HSPA12A: variants seen among roughly 807,000 people sequenced by gnomAD.
HSPA12A encodes heat shock 70 kDa protein 12A.
In HSPA12A, 28 loss-of-function variants were observed where a neutral mutation model predicts 69.2. The ratio of observed to expected loss-of-function variants is 0.40; its 90% CI spans 0.30 to 0.55. The LOEUF (loss-of-function observed/expected upper bound fraction) is 0.55. HSPA12A is among the 20% of genes least tolerant of loss of function. HSPA12A has a pLI of 0.38. For missense variants in HSPA12A, 686 were observed against 900.7 expected (o/e 0.76, Z 3.05); for synonymous variants, 345 against 370.5 (o/e 0.93, Z 0.79).
rs782308858 is a variant in HSPA12A at position 116,698,629 on chromosome 10, T to C, written c.546+6A>G. 5.6e-6 allele frequency: 9 copies of C among 1,609,730 alleles called. No homozygotes were observed. In the African/African-American group the frequency reaches 6.7e-5, roughly 12 times the overall value. On this transcript the variant is annotated splice_donor_region_variant and intron_variant, in intron 5 of 11. Transcript: ENST00000369209. ...ACAGCTGGCTGGCCTCAACTATCAG[T>C]CCTACCTTCAGCGCCTGCTCCTTAA...
At chr10:116,774,461 G>T (rs1353302677) in intron 2 of HSPA12A, among the ~76,000 whole-genome samples, 8 of 152,250 alleles carry the variant, frequency 5.3e-5, no homozygotes, top group African/African-American at 1.9e-4. Flanking sequence ...AAATTCTCAG[G>T]CCCCAAGGCA....
intron 2 of HSPA12A, among the ~76,000 whole-genome samples, chr10:116,706,530 C>T (rs1589647008): frequency 6.6e-6 from 1 of 152,164 alleles, no homozygotes; most frequent in Non-Finnish European, 1.5e-5. Context: ...CGCAGTTCTC[C>T]CTGGGTCTTC....
intron 1 of HSPA12A, among the ~76,000 whole-genome samples, chr10:116,847,717 T>C (rs1023550): frequency 0.32 from 48,607 of 152,142 alleles, 7,910 homozygotes; most frequent in East Asian, 0.43. Context: ...AATGTAATGA[T>C]GCTGCAGACA....
intron 2 of HSPA12A, among the ~76,000 whole-genome samples, chr10:116,811,226 G>T (rs1045984926): frequency 6.6e-6 from 1 of 152,142 alleles, no homozygotes; most frequent in Non-Finnish European, 1.5e-5. Flanking sequence ...AGAAACACTG[G>T]TGTGGCTGGA....
intron 5 of HSPA12A, chr10:116,698,368 C>G (rs1038187053): frequency 5.9e-6 from 2 of 340,668 alleles, no homozygotes; most frequent in Non-Finnish European, 1.1e-5. Context: ...ATTTCTCCAC[C>G]CAGGAGTGGA....
chr10:116,765,581 G>A (rs1844058317), intron 2 of HSPA12A, among the ~76,000 whole-genome samples: 1 of 152,126 alleles, frequency 6.6e-6, no homozygotes, highest in African/African-American at 2.4e-5. Flanking sequence ...AGGGCAGAAA[G>A]GAAGATTTTT....
At chr10:116,741,996 C>T (rs1490855844) in intron 1 of HSPA12A, among the ~76,000 whole-genome samples, 2 of 152,182 alleles carry the variant, frequency 1.3e-5, no homozygotes, top group Non-Finnish European at 2.9e-5. Context: ...CGCTGAGTCA[C>T]GAAAATTACC....
At chr10:116,773,606 C>T (rs1412490952) in intron 2 of HSPA12A, among the ~76,000 whole-genome samples, 4 of 152,242 alleles carry the variant, frequency 2.6e-5, no homozygotes, top group African/African-American at 9.6e-5. Flanking sequence ...TCTCCTCCTC[C>T]TTATTCCCTG....
chr10:116,711,732 C>T (rs1244485043), intron 1 of HSPA12A, among the ~76,000 whole-genome samples: 4 of 147,558 alleles, frequency 2.7e-5, no homozygotes, highest in Non-Finnish European at 3.0e-5. Context: ...GGTGCGATCT[C>T]GGCTCACTGC....
intron 7 of HSPA12A, among the ~76,000 whole-genome samples, chr10:116,682,732 G>A (rs1589623720): frequency 1.3e-5 from 2 of 152,026 alleles, no homozygotes; most frequent in African/African-American, 2.4e-5. Context: ...ACGGAGTCTC[G>A]CTCTGTCTCC....
intron 2 of HSPA12A, among the ~76,000 whole-genome samples, chr10:116,749,517 A>G (rs1252245036): frequency 2.0e-5 from 3 of 152,266 alleles, no homozygotes; most frequent in Non-Finnish European, 2.9e-5. Context: ...TCTGAGCTCA[A>G]GAACACGTTT....
chr10:116,714,577 G>A (rs1219417434), intron 1 of HSPA12A, among the ~76,000 whole-genome samples: 1 of 152,154 alleles, frequency 6.6e-6, no homozygotes, highest in Non-Finnish European at 1.5e-5. Context: ...TCACCCTGCA[G>A]TTAAAGCCAT....
intron 1 of HSPA12A, among the ~76,000 whole-genome samples, chr10:116,717,510 G>A (rs1850644085): frequency 6.6e-6 from 1 of 152,132 alleles, no homozygotes; most frequent in Non-Finnish European, 1.5e-5. Context: ...ATTGGTAAGA[G>A]AGATGTTAGA....
intron 2 of HSPA12A, among the ~76,000 whole-genome samples, chr10:116,805,177 G>A (rs1482830047): frequency 6.6e-6 from 1 of 152,108 alleles, no homozygotes; most frequent in Admixed American, 6.5e-5. Flanking sequence ...TTAGCTGGGC[G>A]TGGTGGTGGG....
chr10:116,681,071 T>A (rs1849386561), intron 9 of HSPA12A, 81 bp downstream of exon 9: 1 of 926,210 alleles, frequency 1.1e-6, no homozygotes, highest in Non-Finnish European at 1.8e-6. Context: ...AGAATAAAAC[T>A]GAGAGTTATC....
At chr10:116,789,116 T>C (rs1486377435) in intron 2 of HSPA12A, among the ~76,000 whole-genome samples, 2 of 152,174 alleles carry the variant, frequency 1.3e-5, no homozygotes, top group Non-Finnish European at 2.9e-5. Context: ...TCCACCCACC[T>C]TGGCCTCACA....
In HSPA12A at chr10:116,799,306, T is replaced by C. The variant is rs568612262; in HGVS notation, c.91+35629A>G. On this transcript the variant is annotated intron_variant, in intron 2 of 12. Coordinates refer to the HSPA12A transcript ENST00000635765. The stretch of plus-strand genomic sequence containing the variant: ...TTTTCCCTGAAAACAGGGCCTTCTG[T>C]TCCTTCATCTACTAAACAGCTTCTT... Among the ~76,000 whole-genome samples, 86 of 152,314 alleles carry C rather than the reference T, an allele frequency of 5.6e-4. 1 individual carries two copies. The highest frequency in any genetic ancestry group is 1.9e-3 in the African/African-American group (80 of 41,584).
chr10:116,831,516 G>A (rs1845614460), intron 2 of HSPA12A: 2 of 152,184 alleles, frequency 1.3e-5, no homozygotes. Flanking sequence ...AGATCTCGAA[G>A]GGCCACCAAA....
intron 2 of HSPA12A, among the ~76,000 whole-genome samples, chr10:116,772,100 G>C (rs879999404): frequency 2.9e-4 from 44 of 152,160 alleles, no homozygotes; most frequent in South Asian, 1.0e-3. Flanking sequence ...ACGGGAGCGG[G>C]GGTAGTGGCG....
Sources: gnomAD v4.1 joint callset for allele counts (sites outside exome capture counted in the v4.1 genomes callset) on GRCh38, gnomAD v4.1.1 for gene constraint, MANE v1.5 for transcripts, NCBI Gene and HGNC (gene_info 2026-07-23, HGNC 2026-07-21) for gene names.